The following SLIT1 variants were observed in gnomAD, a reference collection of about 807,000 sequenced individuals.
SLIT1 encodes the protein slit homolog 1 protein.
In SLIT1, 66 loss-of-function variants were observed where a neutral mutation model predicts 186.1. That is an observed-to-expected ratio of 0.35 (90% CI 0.29 to 0.44). The LOEUF is 0.44. Among genes scored for constraint, SLIT1 ranks in the 20% least tolerant of loss-of-function variants. The pLI, the probability that SLIT1 is intolerant of heterozygous loss-of-function variation, is 1.00. For synonymous variants in SLIT1, 761 were observed against 833.8 expected (o/e 0.91, Z 1.50); for missense variants, 1,638 against 2,037.4 (o/e 0.80, Z 3.77).
rs531207261 is a variant in SLIT1 at position 97,022,477 on chromosome 10, T to C, written c.2583-1064A>G. Among the ~76,000 whole-genome samples, 1 of 152,366 alleles carries C rather than the reference T, an allele frequency of 6.6e-6. No individual in the cohort carries two copies. Among genetic ancestry groups the C allele is most frequent in the Non-Finnish European group, 1.5e-5 (1 of 68,030 alleles). On this transcript the variant is annotated intron_variant, in intron 25 of 36. Transcript: ENST00000266058. The surrounding 1 kb of genome is among the most constrained non-coding windows in gnomAD (Gnocchi z 4.2). ...TTATGTGAATTTCACCTCAATTTTTTTGAAGGCACATTCCTGTGTTACTGA... is the reference window on the plus strand; with the variant it reads ...TTATGTGAATTTCACCTCAATTTTTCTGAAGGCACATTCCTGTGTTACTGA...
chr10:97,050,050 G>T (rs771272351), intron 13 of SLIT1, among the ~76,000 whole-genome samples: 1 of 152,138 alleles, frequency 6.6e-6, no homozygotes, highest in Non-Finnish European at 1.5e-5. Context: ...ACCTGTCCTG[G>T]CTCTGGAGAA....
chr10:97,081,293 A>G (rs567142151), intron 4 of SLIT1, among the ~76,000 whole-genome samples: 18 of 152,146 alleles, frequency 1.2e-4, no homozygotes, highest in South Asian at 4.1e-4. Context: ...CTGTGAATCC[A>G]AGCTTCTCCA....
chr10:97,159,744 C>T (rs1354366948), intron 3 of SLIT1, among the ~76,000 whole-genome samples: 2 of 152,146 alleles, frequency 1.3e-5, no homozygotes, highest in African/African-American at 4.8e-5. Flanking sequence ...ATGAGCTCAT[C>T]GCGGGCGGGA....
At chr10:97,138,404 T>C (rs1266678642) in intron 4 of SLIT1, among the ~76,000 whole-genome samples, 3 of 152,250 alleles carry the variant, frequency 2.0e-5, no homozygotes, top group Admixed American at 6.5e-5. Flanking sequence ...GGATGCACTC[T>C]TGCAGGGAGG....
chr10:97,021,121 G>A lies in SLIT1; in HGVS notation c.2746+129C>T. ...GGAAGGCAGCCATCAAGCCGCAGGT[G>A]CCTTGTTCCTGTCCCCTGACCCCCC... On this transcript the variant is annotated intron_variant, in intron 26 of 36. Coordinates refer to ENST00000266058, the MANE Select transcript of SLIT1 (RefSeq NM_003061.3). This position sits in a 1 kb window ranked among gnomAD's most constrained non-coding sequence, Gnocchi z 4.5. 1 of 784,696 alleles carries A rather than the reference G, an allele frequency of 1.3e-6. No homozygotes were observed. The highest frequency in any genetic ancestry group is 2.0e-6 in the Non-Finnish European group (1 of 510,642). The allele number at this position is 784,696 out of a possible 1,614,324, so 48.6% of individuals were successfully genotyped here.
chr10:97,184,255 G>C lies in SLIT1; in HGVS notation c.197+1223C>G, dbSNP rs1027676340. Among the ~76,000 whole-genome samples the C allele has an allele frequency of 1.3e-5, 2 of 152,154 alleles. No individual in the cohort carries two copies. Among genetic ancestry groups the C allele is most frequent in the Admixed American group, 1.3e-4 (2 of 15,272 alleles). ...AGCTGGGGGCCATGAAAATGTGCTC[G>C]AAAGTTATCAAAATATGCACACCTT... On this transcript the variant is annotated intron_variant, in intron 1 of 36. Transcript: ENST00000266058. This position sits in a 1 kb window ranked among gnomAD's most constrained non-coding sequence, Gnocchi z 4.4.
At chr10:97,057,927 A>G (rs987352142) in intron 11 of SLIT1, 1 of 713,546 alleles carries the variant, frequency 1.4e-6, no homozygotes. Flanking sequence ...TCCCAATATC[A>G]TAATCGGACC....
intron 4 of SLIT1, among the ~76,000 whole-genome samples, chr10:97,132,761 A>G (rs1259917799): frequency 6.6e-6 from 1 of 152,080 alleles, no homozygotes; most frequent in Non-Finnish European, 1.5e-5. Flanking sequence ...TGCCTCTGAG[A>G]TATTATACCT....
rs150920866 is a variant in SLIT1, at chr10:97,037,699, C to T, written c.2365G>A (p.Val789Met). Residue 789 changes from valine to methionine, a missense_variant and splice_region_variant, in exon 22 of 37, where the codon GTG becomes ATG. Physicochemically the swap from Val to Met is conservative, Grantham distance 21. Coordinates refer to ENST00000266058, the MANE Select transcript of SLIT1 (RefSeq NM_003061.3). ...QLSTFKYLQL[V>M]DLSNNKISSL... ...TCCTCAAGCGGCCTGGATACTTACA[C>T]GAGCTGCAGGTACTTGAAGGTAGAC... The T allele has an allele frequency of 7.8e-5, 126 of 1,608,552 alleles. No homozygotes were observed. The highest frequency in any genetic ancestry group is 9.4e-5 in the African/African-American group (7 of 74,842).
chr10:97,003,050 C>G, intron 34 of SLIT1, 58 bp from the exon 35 acceptor site: 2 of 1,547,038 alleles, frequency 1.3e-6, no homozygotes, highest in Non-Finnish European at 1.8e-6. Context: ...TGCCGGGCAC[C>G]CACCCCTGAG....
intron 4 of SLIT1, among the ~76,000 whole-genome samples, chr10:97,070,894 C>A (rs1848996113): frequency 6.6e-6 from 1 of 152,198 alleles, no homozygotes; most frequent in African/African-American, 2.4e-5. Context: ...TCATAGCACA[C>A]TGTCACCTTG....
At position 96,999,813 on chromosome 10, in the gene SLIT1, CA is replaced by C. The variant is rs1848286159; in HGVS notation, c.*1298del. 1 of 152,324 alleles carries C rather than the reference CA, an allele frequency of 6.6e-6. No homozygotes were observed. Among genetic ancestry groups the C allele is most frequent in the South Asian group, 2.1e-4 (1 of 4,832 alleles). The allele number at this position is 152,324 out of a possible 1,614,324, so 9.4% of individuals were successfully genotyped here. A position where few individuals can be genotyped will look rare whatever the true frequency, so the allele number is the denominator to read the frequency against. ...CCCACTCAGCTCAACTCTTCCCGGGCATCCTGGTCATTCCTGCGATGCTCTG... is the reference window on the plus strand; with the variant it reads ...CCCACTCAGCTCAACTCTTCCCGGGCTCCTGGTCATTCCTGCGATGCTCTG... On this transcript the variant is annotated 3_prime_UTR_variant, in exon 37 of 37. Transcript: ENST00000266058.
chr10:97,050,328 T>C (rs906235676), intron 13 of SLIT1, among the ~76,000 whole-genome samples: 2 of 152,168 alleles, frequency 1.3e-5, no homozygotes, highest in African/African-American at 4.8e-5. Context: ...GAGTAAACCC[T>C]TGCCCAGGGT....
intron 4 of SLIT1, among the ~76,000 whole-genome samples, chr10:97,150,775 C>T (rs1264708132): frequency 2.6e-5 from 4 of 152,126 alleles, no homozygotes; most frequent in Non-Finnish European, 5.9e-5. Context: ...GCCAAGGAGG[C>T]GGCATGCGTG....
chr10:97,085,255 A>G (rs1199521814), intron 4 of SLIT1, among the ~76,000 whole-genome samples: 1 of 151,756 alleles, frequency 6.6e-6, no homozygotes, highest in Non-Finnish European at 1.5e-5. Context: ...GTGGGTGCAG[A>G]TGCCCTTGTG....
chr10:97,059,597 C>T lies in SLIT1; in HGVS notation c.1014-66G>A, dbSNP rs746985709. 14 of 1,183,142 alleles carry T rather than the reference C, an allele frequency of 1.2e-5. No homozygotes were observed. In the African/African-American group the frequency reaches 1.5e-4, roughly 13 times the overall value. The allele number at this position is 1,183,142 out of a possible 1,614,324, so 73.3% of individuals were successfully genotyped here. On this transcript the variant is annotated intron_variant, in intron 10 of 36. Coordinates refer to ENST00000266058, the MANE Select transcript of SLIT1 (RefSeq NM_003061.3). ...CAACAGCCACTAAGCCCTGCCCAGT[C>T]CCCTCCACCTCCTAGATGTCACAGG... is the stretch of plus-strand genomic sequence containing the variant.
intron 4 of SLIT1, among the ~76,000 whole-genome samples, chr10:97,103,912 C>T (rs965390296): frequency 2.6e-5 from 4 of 152,142 alleles, no homozygotes; most frequent in African/African-American, 9.7e-5. Flanking sequence ...TGATGACAGG[C>T]AACTCCCACG....
At position 97,010,916 on chromosome 10, in the gene SLIT1, C is replaced by T. The variant is rs1848404778; in HGVS notation, c.3341+77G>A. ...TCTGACCCACACCCCTTTCCTTCGC[C>T]ATGGCTGGAGGCTCCTGCCAGCCCA... On this transcript the variant is annotated intron_variant, in intron 31 of 36. Transcript: ENST00000266058. The surrounding 1 kb of genome is among the most constrained non-coding windows in gnomAD (Gnocchi z 4.8). The T allele has an allele frequency of 6.9e-7, 1 of 1,448,104 alleles. No individual in the cohort carries two copies. The highest frequency in any genetic ancestry group is 1.4e-5 in the African/African-American group (1 of 70,684). The allele number at this position is 1,448,104 out of a possible 1,614,324, so 89.7% of individuals were successfully genotyped here.
At chr10:97,060,243 T>A (rs1224408480) in intron 9 of SLIT1, 85 bp from the exon 10 acceptor site, 1 of 1,136,950 alleles carries the variant, frequency 8.8e-7, no homozygotes, top group African/African-American at 1.5e-5. Context: ...CTGCCCTGAA[T>A]AATCCTTTGG....
Sources: allele counts gnomAD v4.1 joint callset (sites outside exome capture counted in the v4.1 genomes callset), GRCh38; gene constraint gnomAD v4.1.1; non-coding constraint Gnocchi (gnomAD v3.1); transcripts MANE v1.5; gene names NCBI Gene and HGNC (gene_info 2026-07-23, HGNC 2026-07-21).